CCDC28A: variants seen among roughly 807,000 people sequenced by gnomAD.
CCDC28A encodes coiled-coil domain-containing protein 28A.
In CCDC28A, 24 loss-of-function variants were observed where a neutral mutation model predicts 22.1. The ratio of observed to expected loss-of-function variants is 1.09; its 90% CI spans 0.79 to 1.53. The LOEUF (loss-of-function observed/expected upper bound fraction) is 1.53. Ranked by LOEUF, CCDC28A falls within the 40% of genes most tolerant of loss-of-function variation. The pLI, the probability that CCDC28A is intolerant of heterozygous loss-of-function variation, is 0.00. For missense variants in CCDC28A, 170 were observed against 210.7 expected, an observed-to-expected ratio of 0.81 and a Z score of 1.20; for synonymous variants, 83 against 74.7, an observed-to-expected ratio of 1.11 and a Z score of -0.57.
At chr6:138,774,283 C>A (rs1176391208) in intron 1 of CCDC28A, among the ~76,000 whole-genome samples, 1 of 152,146 alleles carries the variant, frequency 6.6e-6, no homozygotes, top group African/African-American at 2.4e-5. Flanking sequence ...TGCTTTACTT[C>A]CTAGATTTTT....
At chr6:138,786,993 G>A (rs1775104365) in intron 4 of CCDC28A, among the ~76,000 whole-genome samples, 1 of 152,266 alleles carries the variant, frequency 6.6e-6, no homozygotes, top group East Asian at 1.9e-4. Context: ...GAGAATAACA[G>A]TGGTATAGTG....
chr6:138,784,775 C>T (rs1434833290), intron 3 of CCDC28A, among the ~76,000 whole-genome samples: 4 of 151,800 alleles, frequency 2.6e-5, no homozygotes, highest in Non-Finnish European at 5.9e-5. Flanking sequence ...CTCACTGCAA[C>T]CTCTGTCTCC....
chr6:138,791,866 C>A (rs193215485), intron 5 of CCDC28A, among the ~76,000 whole-genome samples: 1 of 152,168 alleles, frequency 6.6e-6, no homozygotes, highest in East Asian at 1.9e-4. Context: ...ATTTTTGCAA[C>A]CTCTGCCATA....
At chr6:138,792,508 T>C (rs1775186141) in intron 5 of CCDC28A, among the ~76,000 whole-genome samples, 1 of 151,632 alleles carries the variant, frequency 6.6e-6, no homozygotes, top group African/African-American at 2.4e-5. Context: ...GGAAACAAAG[T>C]GAGTCCTTAT....
intron 3 of CCDC28A, among the ~76,000 whole-genome samples, chr6:138,781,810 C>T (rs1775025815): frequency 6.6e-6 from 1 of 152,074 alleles, no homozygotes; most frequent in East Asian, 1.9e-4. Context: ...TTATTTTTGT[C>T]TACCAAATTT....
At chr6:138,784,333 C>T (rs761539149) in intron 3 of CCDC28A, among the ~76,000 whole-genome samples, 2 of 147,340 alleles carry the variant, frequency 1.4e-5, no homozygotes, top group African/African-American at 5.0e-5. Flanking sequence ...ACTTAAGGGA[C>T]GATTTTCTTT....
intron 2 of CCDC28A, among the ~76,000 whole-genome samples, chr6:138,776,681 C>T (rs74792017): frequency 0.029 from 4,442 of 151,074 alleles, 100 homozygotes; most frequent in Non-Finnish European, 0.041. Flanking sequence ...TTTACACACA[C>T]ACATATATAT....
chr6:138,791,486 A>AT (rs1034491300), intron 5 of CCDC28A, among the ~76,000 whole-genome samples: 1 of 151,810 alleles, frequency 6.6e-6, no homozygotes, highest in Non-Finnish European at 1.5e-5. Flanking sequence ...ATTTTTTACC[A>AT]TTTTTTTTAA....
chr6:138,786,467 C>G (rs1263038266), intron 4 of CCDC28A, among the ~76,000 whole-genome samples: 1 of 151,872 alleles, frequency 6.6e-6, no homozygotes, highest in Non-Finnish European at 1.5e-5. Flanking sequence ...TAACTATTGA[C>G]AAAAAAGGGT....
At chr6:138,787,106 A>T (rs1264470784) in intron 4 of CCDC28A, among the ~76,000 whole-genome samples, 1 of 152,210 alleles carries the variant, frequency 6.6e-6, no homozygotes, top group African/African-American at 2.4e-5. Flanking sequence ...CATTTTTGTA[A>T]TTCACATGTT....
intron 1 of CCDC28A, among the ~76,000 whole-genome samples, chr6:138,774,993 G>A (rs889279508): frequency 5.9e-5 from 9 of 151,756 alleles, no homozygotes; most frequent in African/African-American, 1.9e-4. Flanking sequence ...TCGCTCTGTC[G>A]CAGTGGCACC....
chr6:138,773,801 C>G lies in CCDC28A; in HGVS notation c.-144C>G. Reference sequence around the variant, plus strand: ...AACGGAGCTGCGGAGGAGCGGGTCCCGGGATGTGACCGGGGCTCTGCTTGT... The same window carrying G: ...AACGGAGCTGCGGAGGAGCGGGTCCGGGGATGTGACCGGGGCTCTGCTTGT... On this transcript the variant is annotated 5_prime_UTR_variant, in exon 1 of 6. Coordinates refer to ENST00000617445, the MANE Select transcript of CCDC28A (RefSeq NM_015439.3). 1 of 1,613,932 alleles carries G rather than the reference C, an allele frequency of 6.2e-7. No individual in the cohort carries two copies. The highest frequency in any genetic ancestry group is 8.5e-7 in the Non-Finnish European group (1 of 1,179,908).
At chr6:138,792,468 A>G (rs1775185404) in intron 5 of CCDC28A, among the ~76,000 whole-genome samples, 1 of 152,100 alleles carries the variant, frequency 6.6e-6, no homozygotes, top group Non-Finnish European at 1.5e-5. Context: ...GCTACAGTGA[A>G]GTATGATCGT....
chr6:138,780,062 C>G lies in CCDC28A; in HGVS notation c.322+77C>G, dbSNP rs895325384. On this transcript the variant is annotated intron_variant, in intron 3 of 5. Coordinates refer to ENST00000617445, the MANE Select transcript of CCDC28A (RefSeq NM_015439.3). ...TGTTTTCTGTGTGTATTTTACTCTT[C>G]TTTTCAAAGTGCCAGTTTCTTTTAA... The G allele has an allele frequency of 4.7e-6, 5 of 1,070,934 alleles. No individual in the cohort carries two copies. In the Admixed American group the frequency reaches 1.4e-4, roughly 31 times the overall value. The allele number at this position is 1,070,934 out of a possible 1,614,324, so 66.3% of individuals were successfully genotyped here.
intron 1 of CCDC28A, among the ~76,000 whole-genome samples, chr6:138,774,473 T>G (rs1774895042): frequency 1.3e-5 from 2 of 152,254 alleles, no homozygotes. Context: ...ATTATTGTTC[T>G]GTTACAAAAA....
intron 3 of CCDC28A, among the ~76,000 whole-genome samples, chr6:138,781,236 G>A (rs1263933709): frequency 2.6e-5 from 4 of 152,152 alleles, no homozygotes; most frequent in Non-Finnish European, 5.9e-5. Context: ...ACCTAGGATT[G>A]CTCTAGTTCA....
At chr6:138,778,523 G>A (rs1053958606) in intron 2 of CCDC28A, among the ~76,000 whole-genome samples, 4 of 152,158 alleles carry the variant, frequency 2.6e-5, no homozygotes, top group Non-Finnish European at 5.9e-5. Flanking sequence ...GTTTAGGCTA[G>A]GGGTTCCAAA....
chr6:138,779,744 C>A, intron 2 of CCDC28A, 78 bp from the exon 3 acceptor site: 2 of 1,100,776 alleles, frequency 1.8e-6, no homozygotes, highest in Non-Finnish European at 2.5e-6. Flanking sequence ...AAGGGAAATT[C>A]CATTTACTTC....
At chr6:138,787,661 A>G (rs1244423477) in intron 4 of CCDC28A, among the ~76,000 whole-genome samples, 2 of 152,112 alleles carry the variant, frequency 1.3e-5, no homozygotes, top group Non-Finnish European at 2.9e-5. Flanking sequence ...ATAAAACTCC[A>G]GTTTTTATAA....
Sources: gnomAD v4.1 joint callset for allele counts (sites outside exome capture counted in the v4.1 genomes callset) on GRCh38, gnomAD v4.1.1 for gene constraint, MANE v1.5 for transcripts, NCBI Gene and HGNC (gene_info 2026-07-23, HGNC 2026-07-21) for gene names.